AGPAT2: variants seen among roughly 807,000 people sequenced by gnomAD.
AGPAT2 encodes 1-acyl-sn-glycerol-3-phosphate acyltransferase beta.
A neutral mutation model predicts 26.1 loss-of-function variants in AGPAT2; 18 were observed. That is an observed-to-expected ratio of 0.69 (90% CI 0.48 to 1.02). AGPAT2 has a LOEUF of 1.02. Ranked by LOEUF, AGPAT2 falls within the 50% of genes least tolerant of loss-of-function variation. The pLI is 0.00. For missense variants in AGPAT2, 415 were observed against 394.9 expected (o/e 1.05, Z -0.43); for synonymous variants, 200 against 174.2 (o/e 1.15, Z -1.16).
chr9:136,675,109 G>C (rs1232992740), intron 4 of AGPAT2, among the ~76,000 whole-genome samples: 1 of 152,194 alleles, frequency 6.6e-6, no homozygotes, highest in Non-Finnish European at 1.5e-5. Flanking sequence ...TAGCCAGGGG[G>C]GCAGGGCCCT....
Position 136,687,135 on chromosome 9 carries a change from GCGGCGGTTCCCCGGCCCCTCC to G in AGPAT2, c.182+20_182+40del, listed in dbSNP as rs1427253654. 1.3e-5 allele frequency: 20 copies of G among 1,553,952 alleles called. No individual in the cohort carries two copies. Among genetic ancestry groups the G allele is most frequent in the Non-Finnish European group, 1.7e-5 (20 of 1,156,774 alleles). On this transcript the variant is annotated intron_variant, in intron 1 of 5. Transcript: ENST00000371696. ...AGAAAGTTAGGGAAGCGGAAGCGGC[GCGGCGGTTCCCCGGCCCCTCC>G]CGGCGGCCCCCGGCCTTGCCTCATG...
chr9:136,677,464 C>T lies in AGPAT2; in HGVS notation c.275G>A (p.Cys92Tyr). ...GCTCTGGTGGTTGGAGACGATGACA[C>T]AGGGACGGGCCTCCTGCAGCCTGCG... Reference protein sequence around the residue: ...DPRRLQEARPCVIVSNHQSIL... With the variant: ...DPRRLQEARPYVIVSNHQSIL... Residue 92 changes from cysteine to tyrosine, a missense_variant, in exon 2 of 6, where the codon TGT becomes TAT. By Grantham distance (194) the Cys-to-Tyr change is radical (BLOSUM62 -2). Coordinates refer to ENST00000371696, the MANE Select transcript of AGPAT2 (RefSeq NM_006412.4). The T allele has an allele frequency of 6.2e-7, 1 of 1,613,146 alleles. No individual in the cohort carries two copies. Among genetic ancestry groups the T allele is most frequent in the Non-Finnish European group, 8.5e-7 (1 of 1,179,958 alleles).
chr9:136,674,671 C>G (rs1027005301), intron 5 of AGPAT2, 64 bp downstream of exon 5: 13 of 1,251,346 alleles, frequency 1.0e-5, no homozygotes, highest in African/African-American at 1.5e-5. Flanking sequence ...GATGAGGGGC[C>G]CGGGGCTCCG....
In AGPAT2 at chr9:136,676,945, G is replaced by T. The variant is rs17848855; in HGVS notation, c.492+16C>A. ...GCCCCACCCCAACCCCACCGAGCCC[G>T]GCCCTGCACACTCACGTTCTCCCTG... On this transcript the variant is annotated intron_variant, in intron 3 of 5. Transcript: ENST00000371696. 5 of 705,550 alleles carry T rather than the reference G, an allele frequency of 7.1e-6. No homozygotes were observed. The highest frequency in any genetic ancestry group is 6.8e-5 in the South Asian group (5 of 73,964). 43.7% of individuals were successfully genotyped at this position (705,550 alleles called of 1,614,324 possible). A position where few individuals can be genotyped will look rare whatever the true frequency, so the allele number is the denominator to read the frequency against.
At chr9:136,681,514 G>A (rs368528098) in intron 1 of AGPAT2, among the ~76,000 whole-genome samples, 5 of 152,194 alleles carry the variant, frequency 3.3e-5, no homozygotes, top group African/African-American at 7.2e-5. Flanking sequence ...CTTTACAAGC[G>A]GTTCCTGGAT....
At chr9:136,686,687 TCACCGGGCGGA>T (rs972337546) in intron 1 of AGPAT2, among the ~76,000 whole-genome samples, 1 of 152,146 alleles carries the variant, frequency 6.6e-6, no homozygotes, top group Admixed American at 6.5e-5. Flanking sequence ...GGTGCGCCCA[TCACCGGGCGGA>T]CAGTCAGGAG....
intron 1 of AGPAT2, among the ~76,000 whole-genome samples, chr9:136,680,546 A>G (rs949184613): frequency 6.6e-6 from 1 of 152,002 alleles, no homozygotes; most frequent in East Asian, 1.9e-4. Flanking sequence ...CTTAGTGTTA[A>G]CAACTGCATC....
chr9:136,682,707 G>C (rs1846175392), intron 1 of AGPAT2, among the ~76,000 whole-genome samples: 1 of 152,214 alleles, frequency 6.6e-6, no homozygotes, highest in African/African-American at 2.4e-5. Flanking sequence ...GGCTCCTGCT[G>C]AGGGAAAGCC....
chr9:136,687,137 G>C, intron 1 of AGPAT2, 39 bp downstream of exon 1: 1 of 1,557,874 alleles, frequency 6.4e-7, no homozygotes, highest in Admixed American at 1.8e-5. Context: ...GAAGCGGCGC[G>C]GCGGTTCCCC....
rs187139943 is a variant in AGPAT2 at position 136,684,512 on chromosome 9, C to T, written c.182+2664G>A. Among the ~76,000 whole-genome samples, 49 of 152,316 alleles carry T rather than the reference C, an allele frequency of 3.2e-4. No individual in the cohort carries two copies. In the East Asian group the frequency reaches 8.5e-3, roughly 26 times the overall value. The stretch of plus-strand genomic sequence containing the variant: ...ACTGTCCCTCACACGCTCAGAACTA[C>T]GGTGTAGACGGTGGGGGTCTCTTGG... On this transcript the variant is annotated intron_variant, in intron 1 of 5. Transcript: ENST00000371696.
At chr9:136,678,875 C>T (rs1245328957) in intron 1 of AGPAT2, among the ~76,000 whole-genome samples, 1 of 149,260 alleles carries the variant, frequency 6.7e-6, no homozygotes, top group African/African-American at 2.5e-5. Flanking sequence ...ACCTCAGGCT[C>T]CTGACTAGCT....
At chr9:136,682,075 T>C (rs559341392) in intron 1 of AGPAT2, among the ~76,000 whole-genome samples, 1 of 152,278 alleles carries the variant, frequency 6.6e-6, no homozygotes, top group East Asian at 1.9e-4. Context: ...CAAAGTTAAG[T>C]GACTTCCCCA....
At chr9:136,675,646 C>G (rs1456242292) in intron 4 of AGPAT2, among the ~76,000 whole-genome samples, 1 of 151,978 alleles carries the variant, frequency 6.6e-6, no homozygotes, top group African/African-American at 2.4e-5. Context: ...CTGCGGCCAC[C>G]CCCAGCCACC....
intron 1 of AGPAT2, among the ~76,000 whole-genome samples, chr9:136,678,055 G>A (rs1846115853): frequency 6.6e-6 from 1 of 152,214 alleles, no homozygotes; most frequent in Non-Finnish European, 1.5e-5. Flanking sequence ...CGCCAGTGGA[G>A]ACCTCTGAAA....
chr9:136,679,275 C>T (rs998983542), intron 1 of AGPAT2, among the ~76,000 whole-genome samples: 2 of 152,152 alleles, frequency 1.3e-5, no homozygotes, highest in African/African-American at 4.8e-5. Context: ...ATGTGTGAGC[C>T]CAGGCCTGCG....
At chr9:136,680,897 C>A (rs988083977) in intron 1 of AGPAT2, among the ~76,000 whole-genome samples, 1 of 151,994 alleles carries the variant, frequency 6.6e-6, no homozygotes, top group East Asian at 1.9e-4. Context: ...AAACTCCTGA[C>A]CTCATGATCC....
intron 1 of AGPAT2, among the ~76,000 whole-genome samples, chr9:136,682,929 C>T (rs574980671): frequency 1.6e-3 from 248 of 152,220 alleles, no homozygotes; most frequent in African/African-American, 5.7e-3. Context: ...GCTATGGCCT[C>T]GGGCAAAGCA....
rs1235133448 is a variant in AGPAT2 at position 136,674,246 on chromosome 9, G to A, written c.662-319C>T. ...CTCTGCCCTCCATACGGGGCGAGGG[G>A]CTGTGGGAGAGATGGAGCTGGGTTC... On this transcript the variant is annotated intron_variant, in intron 5 of 5. Coordinates refer to ENST00000371696, the MANE Select transcript of AGPAT2 (RefSeq NM_006412.4). 3.3e-5 allele frequency among the ~76,000 whole-genome samples: 5 copies of A among 152,352 alleles called. No individual in the cohort carries two copies. The East Asian group carries it at 5.8e-4, about 18-fold the overall frequency.
At chr9:136,677,275 CTG>C (rs767169033) in intron 2 of AGPAT2, 139 bp from the exon 3 acceptor site, 1 of 1,503,350 alleles carries the variant, frequency 6.7e-7, no homozygotes, top group Non-Finnish European at 9.1e-7. Flanking sequence ...CTCCGAGCCT[CTG>C]TGTCTGGCCC....
Sources: gnomAD v4.1 joint callset for allele counts (sites outside exome capture counted in the v4.1 genomes callset) on GRCh38, gnomAD v4.1.1 for gene constraint, MANE v1.5 for transcripts, NCBI Gene and HGNC (gene_info 2026-07-23, HGNC 2026-07-21) for gene names.